ZSWIM6: variants seen among roughly 807,000 people sequenced by gnomAD.
ZSWIM6 encodes zinc finger SWIM domain-containing protein 6.
Under a neutral mutation model 113.2 loss-of-function variants are expected in ZSWIM6, and 9 were observed. The ratio of observed to expected loss-of-function variants is 0.08; its 90% CI spans 0.05 to 0.14. The LOEUF (loss-of-function observed/expected upper bound fraction) is 0.14, where lower values mean the gene tolerates loss of function less well. ZSWIM6 is among the 10% of genes least tolerant of loss of function. ZSWIM6 has a pLI of 1.00. For synonymous variants in ZSWIM6, 611 were observed against 606.5 expected, an observed-to-expected ratio of 1.01 and a Z score of -0.11; for missense variants, 1,162 against 1,552.2, an observed-to-expected ratio of 0.75 and a Z score of 4.22.
chr5:61,388,448 A>T (rs954177362), intron 1 of ZSWIM6, among the ~76,000 whole-genome samples: 1 of 152,198 alleles, frequency 6.6e-6, no homozygotes, highest in South Asian at 2.1e-4. Flanking sequence ...CTACAAAACC[A>T]TCTCTACTTT....
Position 61,483,766 on chromosome 5 carries a change from A to G in ZSWIM6, c.1034-7020A>G, listed in dbSNP as rs1747942120. Among the ~76,000 whole-genome samples the G allele has an allele frequency of 3.3e-5, 5 of 151,444 alleles. No individual in the cohort carries two copies. The South Asian group carries it at 1.0e-3, about 32-fold the overall frequency. On this transcript the variant is annotated intron_variant, in intron 2 of 13. Coordinates refer to ENST00000252744, the MANE Select transcript of ZSWIM6 (RefSeq NM_020928.2). ...GTGGCGGCTGCCTGTAGTCCCAGCT[A>G]CTTGGGAGGCTGAGGCAGGAGAATA...
chr5:61,465,771 A>C lies in ZSWIM6; in HGVS notation c.677-6910A>C, dbSNP rs932303341. ...TTAATTTGCCATTGTTTTTCTCTCA[A>C]ATATTAATGAAGTGTAGGAGTGATT... On this transcript the variant is annotated intron_variant, in intron 1 of 13. Coordinates refer to ENST00000252744, the MANE Select transcript of ZSWIM6 (RefSeq NM_020928.2). 2.8e-4 allele frequency among the ~76,000 whole-genome samples: 42 copies of C among 152,192 alleles called. 1 individual carries two copies. The highest frequency in any genetic ancestry group is 2.4e-5 in the African/African-American group (1 of 41,446).
In ZSWIM6 at chr5:61,472,748, G is replaced by T. The variant is rs571797846; in HGVS notation, c.744G>T (p.Val248=). The T allele has an allele frequency of 1.2e-4, 181 of 1,551,254 alleles. No homozygotes were observed. The African/African-American group carries it at 2.3e-3, about 19-fold the overall frequency. Residue 248 remains valine (V), a synonymous_variant, in exon 2 of 14, where the codon GTG becomes GTT. Coordinates refer to ENST00000252744, the MANE Select transcript of ZSWIM6 (RefSeq NM_020928.2). The surrounding 1 kb of genome is among the most constrained non-coding windows in gnomAD (Gnocchi z 4.1). ...CGGAGCCAGAAACTGTTTGCAACGT[G>T]GCCATCAGCTTTGATCGTTGCAAGA... ...IQSEPETVCN[V]AISFDRCKIT...
At chr5:61,488,806 T>A (rs2112211117) in intron 2 of ZSWIM6, among the ~76,000 whole-genome samples, 1 of 152,132 alleles carries the variant, frequency 6.6e-6, no homozygotes, top group African/African-American at 2.4e-5. Flanking sequence ...CAACAGTATG[T>A]CCTGGATATC....
intron 9 of ZSWIM6, among the ~76,000 whole-genome samples, chr5:61,535,114 G>A (rs1749541817): frequency 6.6e-6 from 1 of 152,134 alleles, no homozygotes; most frequent in Non-Finnish European, 1.5e-5. Flanking sequence ...TGTCATCTGT[G>A]CATTTACAAA....
intron 1 of ZSWIM6, among the ~76,000 whole-genome samples, chr5:61,403,899 T>C (rs566504495): frequency 7.6e-4 from 116 of 152,322 alleles, no homozygotes; most frequent in African/African-American, 2.5e-3. Flanking sequence ...TGAAGTATAT[T>C]TTTGAGTAGC....
chr5:61,431,082 A>G (rs1746570352), intron 1 of ZSWIM6, among the ~76,000 whole-genome samples: 1 of 152,146 alleles, frequency 6.6e-6, no homozygotes, highest in South Asian at 2.1e-4. Flanking sequence ...CCAAAATATC[A>G]TCTTATGGGT....
At chr5:61,350,082 C>G (rs536481248) in intron 1 of ZSWIM6, among the ~76,000 whole-genome samples, 1 of 152,192 alleles carries the variant, frequency 6.6e-6, no homozygotes, top group Non-Finnish European at 1.5e-5. Flanking sequence ...GAGCAGTTTT[C>G]TGAACAATAA....
At chr5:61,347,956 T>A (rs910962326) in intron 1 of ZSWIM6, among the ~76,000 whole-genome samples, 4 of 152,206 alleles carry the variant, frequency 2.6e-5, no homozygotes, top group African/African-American at 9.6e-5. Context: ...GCATGGTGGC[T>A]CACGCCTGTA....
intron 1 of ZSWIM6, among the ~76,000 whole-genome samples, chr5:61,431,184 A>G (rs1221683220): frequency 2.0e-5 from 3 of 151,888 alleles, no homozygotes; most frequent in Non-Finnish European, 4.4e-5. Context: ...AGCCTGGCCA[A>G]CATGATGAAA....
chr5:61,479,524 G>A (rs762851305), intron 2 of ZSWIM6, among the ~76,000 whole-genome samples: 20 of 151,974 alleles, frequency 1.3e-4, no homozygotes, highest in Non-Finnish European at 2.6e-4. Context: ...CAGTTTCCTC[G>A]CCCATCCCTC....
intron 8 of ZSWIM6, among the ~76,000 whole-genome samples, 177 bp from the exon 9 acceptor site, chr5:61,531,288 G>A (rs1012091205): frequency 3.9e-5 from 6 of 152,150 alleles, no homozygotes; most frequent in African/African-American, 1.4e-4. Flanking sequence ...ATCATTCATG[G>A]TCATTTTTAA....
At chr5:61,487,036 T>C (rs769327612) in intron 2 of ZSWIM6, among the ~76,000 whole-genome samples, 1 of 152,010 alleles carries the variant, frequency 6.6e-6, no homozygotes, top group Non-Finnish European at 1.5e-5. Flanking sequence ...TAGGTTTTCT[T>C]CTAGTATTTT....
chr5:61,424,379 C>CA (rs1232974965), intron 1 of ZSWIM6, among the ~76,000 whole-genome samples: 2 of 152,084 alleles, frequency 1.3e-5, no homozygotes, highest in Non-Finnish European at 2.9e-5. Flanking sequence ...AACTTAAGGG[C>CA]AAACATAAAG....
chr5:61,488,148 T>C (rs983001737), intron 2 of ZSWIM6, among the ~76,000 whole-genome samples: 7 of 151,876 alleles, frequency 4.6e-5, no homozygotes, highest in Non-Finnish European at 1.0e-4. Flanking sequence ...TTTTGTTCTT[T>C]ATTCTGGTAT....
At chr5:61,516,496 G>T (rs1372133060) in intron 4 of ZSWIM6, among the ~76,000 whole-genome samples, 1 of 142,442 alleles carries the variant, frequency 7.0e-6, no homozygotes, top group Non-Finnish European at 1.5e-5. Context: ...TGGTTGTTAG[G>T]CTCTACATGC....
At chr5:61,345,138 G>A (rs147304140) in intron 1 of ZSWIM6, among the ~76,000 whole-genome samples, 415 of 152,260 alleles carry the variant, frequency 2.7e-3, no homozygotes, top group Admixed American at 4.8e-3. Flanking sequence ...AGCTGTTGAA[G>A]TTGTGGAGTC....
intron 9 of ZSWIM6, among the ~76,000 whole-genome samples, chr5:61,533,367 G>A (rs1290005428): frequency 6.6e-6 from 1 of 152,204 alleles, no homozygotes; most frequent in Non-Finnish European, 1.5e-5. Context: ...AAATTAGTTA[G>A]CAGGCCCAGA....
intron 1 of ZSWIM6, among the ~76,000 whole-genome samples, chr5:61,456,450 C>T (rs1371821998): frequency 2.0e-5 from 3 of 151,834 alleles, no homozygotes; most frequent in Non-Finnish European, 4.4e-5. Flanking sequence ...GGTGACCCCA[C>T]CAAGGAAAAA....
Sources: gnomAD v4.1 joint callset for allele counts (sites outside exome capture counted in the v4.1 genomes callset) on GRCh38, gnomAD v4.1.1 for gene constraint, Gnocchi (gnomAD v3.1) non-coding constraint, MANE v1.5 for transcripts, NCBI Gene and HGNC (gene_info 2026-07-23, HGNC 2026-07-21) for gene names.